Variants in LUZP2 observed in about 807,000 individuals in gnomAD.
The protein encoded by LUZP2 is leucine zipper protein 2.
LUZP2 carries 52 observed loss-of-function variants against 51.6 expected under a neutral mutation model. The ratio of observed to expected loss-of-function variants is 1.01; its 90% CI spans 0.81 to 1.27. The LOEUF is 1.27. Among genes scored for constraint, LUZP2 ranks in the 50% most tolerant of loss-of-function variants. The probability of loss-of-function intolerance (pLI) is 0.00; values close to 1 mark genes in which losing one functional copy is unlikely to be tolerated. For missense variants in LUZP2, 436 were observed against 395.4 expected (o/e 1.10, Z -0.87); for synonymous variants, 154 against 137.3 (o/e 1.12, Z -0.85).
At chr11:24,777,156 G>T (rs1197473646) in intron 5 of LUZP2, among the ~76,000 whole-genome samples, 1 of 151,976 alleles carries the variant, frequency 6.6e-6, no homozygotes, top group Non-Finnish European at 1.5e-5. Context: ...ACCACGCCTG[G>T]CTAATTTTTT....
intron 1 of LUZP2, among the ~76,000 whole-genome samples, chr11:24,686,237 T>A (rs905240713): frequency 1.5e-5 from 2 of 130,382 alleles, no homozygotes; most frequent in Admixed American, 7.5e-5. Context: ...AAAAAAAAAA[T>A]TGGCTAAGTT....
chr11:24,671,483 C>T (rs150426042), intron 1 of LUZP2, among the ~76,000 whole-genome samples: 34 of 151,878 alleles, frequency 2.2e-4, no homozygotes, highest in African/African-American at 7.7e-4. Flanking sequence ...TAACAAAATG[C>T]TAGGTGTTAA....
chr11:24,555,989 A>G (rs1451192823), intron 1 of LUZP2, among the ~76,000 whole-genome samples: 1 of 152,152 alleles, frequency 6.6e-6, no homozygotes, highest in Non-Finnish European at 1.5e-5. Flanking sequence ...AAAAAAAGAA[A>G]GCTATCTGAA....
chr11:24,602,206 G>GTATATA (rs1853722782), intron 1 of LUZP2, among the ~76,000 whole-genome samples: 8 of 67,702 alleles, frequency 1.2e-4, no homozygotes, highest in Admixed American at 2.2e-4. Flanking sequence ...GTACATATAT[G>GTATATA]TGTATATATG....
chr11:24,503,759 G>C (rs1481666898), intron 1 of LUZP2, among the ~76,000 whole-genome samples: 2 of 152,100 alleles, frequency 1.3e-5, no homozygotes, highest in African/African-American at 4.8e-5. Context: ...TATTCATTCT[G>C]TTCTGTTATG....
chr11:24,920,780 G>C (rs929005277), intron 7 of LUZP2, among the ~76,000 whole-genome samples: 1 of 151,822 alleles, frequency 6.6e-6, no homozygotes, highest in Admixed American at 6.6e-5. Flanking sequence ...GATGGATAAT[G>C]AGTACTCAGA....
intron 8 of LUZP2, among the ~76,000 whole-genome samples, chr11:24,977,597 C>A (rs1855913970): frequency 6.6e-6 from 1 of 151,554 alleles, no homozygotes; most frequent in Non-Finnish European, 1.5e-5. Context: ...CATATATGTA[C>A]ATTTTATCCA....
intron 8 of LUZP2, among the ~76,000 whole-genome samples, chr11:24,981,019 A>C (rs150201831): frequency 6.6e-6 from 1 of 152,044 alleles, no homozygotes; most frequent in East Asian, 1.9e-4. Flanking sequence ...CTGGCTGTAC[A>C]TGGTTTACAT....
intron 5 of LUZP2, among the ~76,000 whole-genome samples, chr11:24,878,044 T>C (rs1166348646): frequency 6.6e-6 from 1 of 152,084 alleles, no homozygotes; most frequent in Non-Finnish European, 1.5e-5. Context: ...TCTTTTAGTC[T>C]TCCTACTTGG....
intron 1 of LUZP2, among the ~76,000 whole-genome samples, chr11:24,595,863 C>A (rs1853428108): frequency 6.6e-6 from 1 of 152,188 alleles, no homozygotes; most frequent in Admixed American, 6.5e-5. Context: ...CAAGCCTCTG[C>A]TCCTGGGGCA....
intron 4 of LUZP2, among the ~76,000 whole-genome samples, chr11:24,762,571 C>T (rs2134031480): frequency 6.6e-6 from 1 of 152,096 alleles, no homozygotes; most frequent in South Asian, 2.1e-4. Context: ...TATAGGGAAC[C>T]CTCAGTGACT....
intron 1 of LUZP2, among the ~76,000 whole-genome samples, chr11:24,663,592 A>G (rs148935039): frequency 3.5e-4 from 53 of 152,226 alleles, no homozygotes; most frequent in African/African-American, 1.2e-3. Flanking sequence ...AAAATCTTTT[A>G]TCTTTCAAAT....
At chr11:24,917,249 G>A (rs1853819717) in intron 7 of LUZP2, among the ~76,000 whole-genome samples, 1 of 152,070 alleles carries the variant, frequency 6.6e-6, no homozygotes, top group African/African-American at 2.4e-5. Flanking sequence ...TGACAGATGA[G>A]TAGATTGCAA....
At chr11:24,797,600 AG>A (rs1413986434) in intron 5 of LUZP2, among the ~76,000 whole-genome samples, 1 of 152,184 alleles carries the variant, frequency 6.6e-6, no homozygotes, top group Non-Finnish European at 1.5e-5. Flanking sequence ...TAAACCTGCC[AG>A]TAGTAGAAAT....
intron 1 of LUZP2, among the ~76,000 whole-genome samples, chr11:24,524,253 C>T (rs2133808052): frequency 6.6e-6 from 1 of 151,816 alleles, no homozygotes; most frequent in South Asian, 2.1e-4. Flanking sequence ...TAATTCAAGA[C>T]ATAATCAACT....
chr11:24,949,621 T>C (rs1202765129), intron 7 of LUZP2, among the ~76,000 whole-genome samples: 3 of 151,576 alleles, frequency 2.0e-5, no homozygotes, highest in Admixed American at 6.6e-5. Flanking sequence ...CAAACTGTAC[T>C]GTGTGCTTCC....
rs147213635 is a variant in LUZP2, at chr11:24,551,519, G to A, written c.62+54214G>A. Among the ~76,000 whole-genome samples, 95 of 151,922 alleles carry A rather than the reference G, an allele frequency of 6.3e-4. No homozygotes were observed. The East Asian group carries it at 9.1e-3, about 15-fold the overall frequency. ...TGAAAATTTTATATAATTAGATTAC[G>A]GTAATGGTTGTGCAATTCTGATTAT... On this transcript the variant is annotated intron_variant, in intron 1 of 11. Coordinates refer to ENST00000336930, the MANE Select transcript of LUZP2 (RefSeq NM_001009909.4).
At chr11:25,030,473 C>G (rs906860134) in intron 9 of LUZP2, among the ~76,000 whole-genome samples, 5 of 152,010 alleles carry the variant, frequency 3.3e-5, no homozygotes, top group Non-Finnish European at 4.4e-5. Flanking sequence ...GGCCAAGTGT[C>G]TATCAACATT....
chr11:24,602,632 T>C (rs1281545450), intron 1 of LUZP2, among the ~76,000 whole-genome samples: 1 of 151,522 alleles, frequency 6.6e-6, no homozygotes, highest in Non-Finnish European at 1.5e-5. Flanking sequence ...GACAATTTCA[T>C]TCCCCTAACC....
Sources: gnomAD v4.1 joint callset for allele counts (sites outside exome capture counted in the v4.1 genomes callset) on GRCh38, gnomAD v4.1.1 for gene constraint, MANE v1.5 for transcripts, NCBI Gene and HGNC (gene_info 2026-07-23, HGNC 2026-07-21) for gene names.